The following FARP2 variants were observed in gnomAD, a reference collection of about 807,000 sequenced individuals.
The protein encoded by FARP2 is FERM, ARHGEF and pleckstrin domain-containing protein 2.
In FARP2, 111 loss-of-function variants were observed where a neutral mutation model predicts 130.5. That is an observed-to-expected ratio of 0.85 (90% confidence interval 0.73 to 1.00). FARP2 has a LOEUF of 1.00. Ranked by LOEUF, FARP2 falls within the 50% of genes least tolerant of loss-of-function variation. The pLI is 0.00. For synonymous variants in FARP2, 504 were observed against 516.9 expected, an observed-to-expected ratio of 0.98 and a Z score of 0.34; for missense variants, 1,385 against 1,346.3, an observed-to-expected ratio of 1.03 and a Z score of -0.45.
chr2:241,403,474 A>C (rs1356583429), intron 2 of FARP2, among the ~76,000 whole-genome samples: 1 of 152,204 alleles, frequency 6.6e-6, no homozygotes, highest in Non-Finnish European at 1.5e-5. Context: ...TCAGCCTCAA[A>C]TTGCTGGTAT....
At chr2:241,479,579 G>T in intron 19 of FARP2, among the ~76,000 whole-genome samples, 1 of 152,228 alleles carries the variant, frequency 6.6e-6, no homozygotes, top group Admixed American at 6.5e-5. Context: ...ACTCAGCCTG[G>T]GACAGTCAAG....
At chr2:241,469,605 A>G (rs1491000742) in intron 18 of FARP2, among the ~76,000 whole-genome samples, 1 of 152,232 alleles carries the variant, frequency 6.6e-6, no homozygotes, top group Admixed American at 6.5e-5. Flanking sequence ...AAATTATAGA[A>G]AACATTTTCA....
chr2:241,356,717 G>A (rs968231543), intron 1 of FARP2, among the ~76,000 whole-genome samples: 4 of 151,948 alleles, frequency 2.6e-5, no homozygotes, highest in Non-Finnish European at 5.9e-5. Context: ...AGTGTCCCGC[G>A]TGGACTCGCG....
chr2:241,450,219 TG>T (rs2063614630), intron 13 of FARP2, among the ~76,000 whole-genome samples: 2 of 151,794 alleles, frequency 1.3e-5, no homozygotes, highest in Non-Finnish European at 2.9e-5. Context: ...AAAACATAGC[TG>T]GGCACAGTGA....
chr2:241,439,701 G>T (rs2150412568), intron 12 of FARP2, among the ~76,000 whole-genome samples: 1 of 152,264 alleles, frequency 6.6e-6, no homozygotes, highest in Non-Finnish European at 1.5e-5. Flanking sequence ...TGACTCAACA[G>T]CTGTAATACC....
At chr2:241,392,929 C>A (rs1026945994) in intron 2 of FARP2, among the ~76,000 whole-genome samples, 1 of 149,498 alleles carries the variant, frequency 6.7e-6, no homozygotes, top group African/African-American at 2.5e-5. Flanking sequence ...GGCAATAGAG[C>A]GAGACTCCAT....
rs1374438043 is a variant in FARP2, at chr2:241,483,450, G to A, written c.2263-15G>A. ...CCTCAGCCCGCTGAAAGGGGACTCT[G>A]TCTCTGTCTTTCAGGAGTTCATCCG... On this transcript the variant is annotated splice_polypyrimidine_tract_variant and intron_variant, in intron 19 of 26. Coordinates refer to ENST00000264042, the MANE Select transcript of FARP2 (RefSeq NM_014808.4). The A allele has an allele frequency of 1.9e-6, 3 of 1,612,608 alleles. No homozygotes were observed. Among genetic ancestry groups the A allele is most frequent in the East Asian group, 2.2e-5 (1 of 44,884 alleles).
chr2:241,383,574 G>A (rs754738010), intron 2 of FARP2, among the ~76,000 whole-genome samples: 5 of 152,214 alleles, frequency 3.3e-5, no homozygotes, highest in African/African-American at 4.8e-5. Context: ...CACCCAGGAC[G>A]TGATGACTTG....
chr2:241,380,890 G>A (rs1161719533), intron 2 of FARP2, among the ~76,000 whole-genome samples: 1 of 152,012 alleles, frequency 6.6e-6, no homozygotes, highest in African/African-American at 2.4e-5. Flanking sequence ...TGTTGAACAT[G>A]CCCTGCCTCC....
chr2:241,376,735 G>A (rs539553548), intron 2 of FARP2, among the ~76,000 whole-genome samples: 1 of 152,228 alleles, frequency 6.6e-6, no homozygotes, highest in Non-Finnish European at 1.5e-5. Context: ...TGGTCAGGTG[G>A]TTTTTGCTGT....
At chr2:241,382,290 C>CTCTTTTTTTTTTTT (rs1553709361) in intron 2 of FARP2, among the ~76,000 whole-genome samples, 1 of 127,198 alleles carries the variant, frequency 7.9e-6, no homozygotes. Flanking sequence ...TGTACAAAAT[C>CTCTTTTTTTTTTTT]TATTTTTTTT....
rs375461153 is a variant in FARP2, at chr2:241,442,188, A to G, written c.1411+632A>G. ...ACAGCTCCCTCAATAACATGCCACT[A>G]CGTGGTGGGCTGTCTGTGCACACAT... On this transcript the variant is annotated intron_variant, in intron 13 of 26. Transcript: ENST00000264042. 4.9e-4 allele frequency: 222 copies of G among 454,510 alleles called. 3 individuals carry two copies. The East Asian group carries it at 0.013, about 27-fold the overall frequency. The allele number at this position is 454,510 out of a possible 1,614,324, so 28.2% of individuals were successfully genotyped here.
intron 8 of FARP2, 125 bp from the exon 9 acceptor site, chr2:241,431,554 A>C (rs2063090567): frequency 6.5e-6 from 4 of 617,010 alleles, no homozygotes; most frequent in Admixed American, 5.9e-5. Flanking sequence ...GCTATCTCAG[A>C]TATAATGGTA....
rs566216947 is a variant in FARP2 at position 241,420,195 on chromosome 2, C to T, written c.771+2086C>T. On this transcript the variant is annotated intron_variant, in intron 8 of 26. Transcript: ENST00000264042. The stretch of plus-strand genomic sequence containing the variant: ...AAAGCCAGCTAAATAAATGGTGGTG[C>T]ATCCATGTGAACAGAATATTGGGCA... Among the ~76,000 whole-genome samples, 7 of 152,302 alleles carry T rather than the reference C, an allele frequency of 4.6e-5. No homozygotes were observed. The East Asian group carries it at 1.2e-3, about 25-fold the overall frequency.
Position 241,475,721 on chromosome 2 carries a change from C to A in FARP2, c.2132-136C>A. ...GTACCAAAAATGTTGGGGACCGCTG[C>A]TATAAGGAGTCGAGTAGGATGTACC... is the stretch of plus-strand genomic sequence containing the variant. On this transcript the variant is annotated intron_variant, in intron 18 of 26. Coordinates refer to ENST00000264042, the MANE Select transcript of FARP2 (RefSeq NM_014808.4). The surrounding 1 kb of genome is among the most constrained non-coding windows in gnomAD (Gnocchi z 4.4). The A allele has an allele frequency of 2.9e-6, 2 of 685,998 alleles. No individual in the cohort carries two copies. Among genetic ancestry groups the A allele is most frequent in the Non-Finnish European group, 4.3e-6 (2 of 461,616 alleles). 42.5% of individuals were successfully genotyped at this position (685,998 alleles called of 1,614,324 possible).
intron 17 of FARP2, chr2:241,466,430 C>T: frequency 1.0e-6 from 1 of 985,454 alleles, no homozygotes; most frequent in Non-Finnish European, 1.2e-6. Flanking sequence ...TGGTCCTCAG[C>T]ACCACTCACC....
Position 241,453,449 on chromosome 2 carries a change from CG to C in FARP2, c.1412-3297del, listed in dbSNP as rs2063732601. Reference sequence around the variant, plus strand: ...CATCCTGGCTAACATGGTGAAACCCCGTCTCTACTAAAAATACAAAAAATTA... The same window carrying C: ...CATCCTGGCTAACATGGTGAAACCCCTCTCTACTAAAAATACAAAAAATTA... On this transcript the variant is annotated intron_variant, in intron 13 of 26. Coordinates refer to ENST00000264042, the MANE Select transcript of FARP2 (RefSeq NM_014808.4). Among the ~76,000 whole-genome samples, 5 of 151,396 alleles carry C rather than the reference CG, an allele frequency of 3.3e-5. No homozygotes were observed. In the South Asian group the frequency reaches 1.0e-3, roughly 32 times the overall value.
intron 2 of FARP2, among the ~76,000 whole-genome samples, chr2:241,389,330 AAAG>A (rs559014053): frequency 9.9e-4 from 151 of 152,322 alleles, no homozygotes; most frequent in African/African-American, 3.4e-3. Flanking sequence ...AAAAAGAAAA[AAAG>A]AAGAAGAGAC....
intron 22 of FARP2, among the ~76,000 whole-genome samples, chr2:241,490,657 A>T (rs1048635594): frequency 1.3e-5 from 2 of 151,990 alleles, no homozygotes; most frequent in African/African-American, 4.8e-5. Flanking sequence ...CTCAGCTCTG[A>T]CTCTGCAGCG....
Sources: gnomAD v4.1 joint callset for allele counts (sites outside exome capture counted in the v4.1 genomes callset) on GRCh38, gnomAD v4.1.1 for gene constraint, Gnocchi (gnomAD v3.1) non-coding constraint, MANE v1.5 for transcripts, NCBI Gene and HGNC (gene_info 2026-07-23, HGNC 2026-07-21) for gene names.